The following CNTN5 variants were observed in gnomAD, a reference collection of about 807,000 sequenced individuals.
CNTN5 encodes the protein contactin 5.
CNTN5 carries 77 observed loss-of-function variants against 129.1 expected under a neutral mutation model. That is an observed-to-expected ratio of 0.60 (90% CI 0.50 to 0.72). The LOEUF is 0.72. Ranked by LOEUF, CNTN5 falls within the 30% of genes least tolerant of loss-of-function variation. CNTN5 has a pLI of 0.00. For missense variants in CNTN5, 1,478 were observed against 1,328.8 expected (o/e 1.11, Z -1.75); for synonymous variants, 509 against 465.6 (o/e 1.09, Z -1.20).
At chr11:99,179,262 T>A (rs1857928994) in intron 1 of CNTN5, among the ~76,000 whole-genome samples, 1 of 151,928 alleles carries the variant, frequency 6.6e-6, no homozygotes, top group Non-Finnish European at 1.5e-5. Context: ...GCCAACATGG[T>A]GAAACCCCAT....
intron 18 of CNTN5, among the ~76,000 whole-genome samples, chr11:100,293,276 G>A (rs1951033130): frequency 6.6e-6 from 1 of 151,768 alleles, no homozygotes; most frequent in African/African-American, 2.4e-5. Context: ...CACTTACAAG[G>A]AGGTTTATAA....
intron 13 of CNTN5, among the ~76,000 whole-genome samples, chr11:100,090,394 T>C (rs10894428): frequency 0.79 from 119,306 of 151,104 alleles, 47,947 homozygotes; most frequent in East Asian, 1. Context: ...TTTTTCCCTC[T>C]GTCCCTCTTT....
intron 4 of CNTN5, among the ~76,000 whole-genome samples, chr11:99,837,641 A>G (rs1203145109): frequency 6.6e-6 from 1 of 151,474 alleles, no homozygotes; most frequent in East Asian, 1.9e-4. Context: ...AGGAAAAGGA[A>G]ATGGGATTAG....
intron 3 of CNTN5, among the ~76,000 whole-genome samples, chr11:99,652,612 C>A (rs1464972979): frequency 6.6e-6 from 1 of 151,984 alleles, no homozygotes; most frequent in Admixed American, 6.6e-5. Context: ...AAAATCAAAA[C>A]CTTGTCTAAC....
chr11:99,461,188 A>T (rs2135233225), intron 2 of CNTN5, among the ~76,000 whole-genome samples: 1 of 152,192 alleles, frequency 6.6e-6, no homozygotes, highest in Admixed American at 6.5e-5. Flanking sequence ...CAGAAAGCAG[A>T]TCAGTAGTTG....
intron 6 of CNTN5, among the ~76,000 whole-genome samples, chr11:99,854,095 G>T (rs1033174838): frequency 6.6e-6 from 1 of 152,056 alleles, no homozygotes; most frequent in South Asian, 2.1e-4. Flanking sequence ...AGTGAGCAAT[G>T]GACATATTAA....
chr11:99,301,453 A>G (rs1293203540), intron 1 of CNTN5, among the ~76,000 whole-genome samples: 1 of 151,826 alleles, frequency 6.6e-6, no homozygotes, highest in South Asian at 2.1e-4. Context: ...TACGAAGATC[A>G]GACTGAATTA....
At chr11:99,529,892 TAAAC>T (rs1947630828) in intron 2 of CNTN5, among the ~76,000 whole-genome samples, 3 of 152,142 alleles carry the variant, frequency 2.0e-5, no homozygotes, top group South Asian at 2.1e-4. Context: ...TAGAAAATGT[TAAAC>T]AAATAAACAG....
chr11:99,563,671 T>C (rs1948914565), intron 3 of CNTN5, among the ~76,000 whole-genome samples: 1 of 152,124 alleles, frequency 6.6e-6, no homozygotes, highest in African/African-American at 2.4e-5. Flanking sequence ...CACTTGATGG[T>C]GTTATTTGGC....
chr11:99,623,059 T>C (rs1303723748), intron 3 of CNTN5, among the ~76,000 whole-genome samples: 2 of 152,102 alleles, frequency 1.3e-5, no homozygotes, highest in African/African-American at 2.4e-5. Flanking sequence ...TAGCAGTACA[T>C]TGTTCATTTT....
intron 1 of CNTN5, among the ~76,000 whole-genome samples, chr11:99,175,231 C>T (rs1857715083): frequency 6.6e-6 from 1 of 151,950 alleles, no homozygotes; most frequent in Non-Finnish European, 1.5e-5. Flanking sequence ...GAGACTCTGT[C>T]CTCCCAAAAC....
At chr11:99,162,219 C>T (rs1860650506) in intron 1 of CNTN5, among the ~76,000 whole-genome samples, 1 of 151,778 alleles carries the variant, frequency 6.6e-6, no homozygotes, top group South Asian at 2.1e-4. Flanking sequence ...GCATAAGACC[C>T]AGTTCTCCCC....
At chr11:99,896,098 C>G (rs1283732374) in intron 6 of CNTN5, among the ~76,000 whole-genome samples, 1 of 152,098 alleles carries the variant, frequency 6.6e-6, no homozygotes, top group Non-Finnish European at 1.5e-5. Context: ...TCACTGCTGC[C>G]TTCACTCCTC....
chr11:99,670,010 G>A (rs1487149161), intron 3 of CNTN5, among the ~76,000 whole-genome samples: 2 of 152,134 alleles, frequency 1.3e-5, no homozygotes, highest in Non-Finnish European at 2.9e-5. Flanking sequence ...GAGGATAGAT[G>A]CATTGTTTTA....
Position 100,083,184 on chromosome 11 carries a change from G to A in CNTN5, c.1580+8890G>A, listed in dbSNP as rs533713124. Among the ~76,000 whole-genome samples, 200 of 152,082 alleles carry A rather than the reference G, an allele frequency of 1.3e-3. 1 individual carries two copies. Among genetic ancestry groups the A allele is most frequent in the African/African-American group, 4.7e-3 (195 of 41,500 alleles). On this transcript the variant is annotated intron_variant, in intron 13 of 24. Coordinates refer to ENST00000524871, the MANE Select transcript of CNTN5 (RefSeq NM_014361.4). Reference sequence around the variant, plus strand: ...TACAAAAAATTAGCTGGGCGTGGTGGTGCATTCCTGTAATCCCAGCTACTC... The same window carrying A: ...TACAAAAAATTAGCTGGGCGTGGTGATGCATTCCTGTAATCCCAGCTACTC...
intron 1 of CNTN5, among the ~76,000 whole-genome samples, chr11:99,243,146 T>C (rs1304197780): frequency 3.9e-5 from 6 of 152,180 alleles, no homozygotes; most frequent in Admixed American, 3.9e-4. Context: ...CATTTGTTGT[T>C]TTTTGACTTT....
intron 1 of CNTN5, among the ~76,000 whole-genome samples, chr11:99,155,530 T>G (rs899598500): frequency 2.0e-5 from 3 of 152,178 alleles, no homozygotes; most frequent in African/African-American, 7.2e-5. Context: ...TTCCTATTAT[T>G]TGCATTATAA....
chr11:100,019,921 C>T (rs191759111), intron 9 of CNTN5, among the ~76,000 whole-genome samples: 2 of 152,046 alleles, frequency 1.3e-5, no homozygotes, highest in African/African-American at 2.4e-5. Flanking sequence ...TTTCATATAC[C>T]TGTTGACCAT....
chr11:99,347,844 T>C (rs1938007959), intron 2 of CNTN5, among the ~76,000 whole-genome samples: 1 of 152,182 alleles, frequency 6.6e-6, no homozygotes, highest in African/African-American at 2.4e-5. Flanking sequence ...AATAATTTTC[T>C]TTACTAAAAA....
Sources: gnomAD v4.1 joint callset for allele counts (sites outside exome capture counted in the v4.1 genomes callset) on GRCh38, gnomAD v4.1.1 for gene constraint, MANE v1.5 for transcripts, NCBI Gene and HGNC (gene_info 2026-07-23, HGNC 2026-07-21) for gene names.